The following THSD7B variants were observed in gnomAD, a reference collection of about 807,000 sequenced individuals.
The protein encoded by THSD7B is thrombospondin type 1 domain containing 7B.
In THSD7B, 138 loss-of-function variants were observed where a neutral mutation model predicts 213.6. The observed-to-expected ratio is 0.65, with a 90% CI of 0.56 to 0.74. THSD7B has a LOEUF of 0.74. THSD7B is among the 30% of genes least tolerant of loss of function. The probability of loss-of-function intolerance (pLI) is 0.00; values close to 1 mark genes in which losing one functional copy is unlikely to be tolerated. For missense variants in THSD7B, 1,931 were observed against 1,991.5 expected, an observed-to-expected ratio of 0.97 and a Z score of 0.58; for synonymous variants, 742 against 687.0, an observed-to-expected ratio of 1.08 and a Z score of -1.25.
chr2:137,370,933 C>T (rs896969701), intron 12 of THSD7B, among the ~76,000 whole-genome samples: 8 of 151,906 alleles, frequency 5.3e-5, no homozygotes, highest in Non-Finnish European at 1.2e-4. Flanking sequence ...GGTAAATAAA[C>T]TATGATAATC....
At chr2:137,629,376 C>T (rs149104503) in intron 20 of THSD7B, among the ~76,000 whole-genome samples, 2 of 152,326 alleles carry the variant, frequency 1.3e-5, no homozygotes, top group African/African-American at 4.8e-5. Flanking sequence ...GTTATTCCAA[C>T]ATACCACCTT....
At chr2:136,846,654 T>C (rs977659261) in intron 1 of THSD7B, among the ~76,000 whole-genome samples, 2 of 152,134 alleles carry the variant, frequency 1.3e-5, no homozygotes, top group Admixed American at 6.6e-5. Flanking sequence ...TAATTATACA[T>C]TGAAAATTGC....
chr2:137,205,792 T>C (rs556152008), intron 7 of THSD7B, among the ~76,000 whole-genome samples: 3 of 152,190 alleles, frequency 2.0e-5, no homozygotes, highest in South Asian at 2.1e-4. Context: ...TTAAATCCCA[T>C]AGAAGTGATT....
At chr2:137,343,518 A>G (rs1573972252) in intron 12 of THSD7B, among the ~76,000 whole-genome samples, 1 of 151,912 alleles carries the variant, frequency 6.6e-6, no homozygotes, top group East Asian at 1.9e-4. Context: ...TAGCCTGAAC[A>G]GGGTTTTTCA....
intron 12 of THSD7B, among the ~76,000 whole-genome samples, chr2:137,384,035 G>C (rs1476697039): frequency 6.6e-6 from 1 of 152,128 alleles, no homozygotes; most frequent in Non-Finnish European, 1.5e-5. Flanking sequence ...TATACTAAAG[G>C]ACCAAGGGTG....
intron 2 of THSD7B, among the ~76,000 whole-genome samples, chr2:136,957,116 T>C (rs1284768722): frequency 6.6e-6 from 1 of 152,202 alleles, no homozygotes; most frequent in African/African-American, 2.4e-5. Flanking sequence ...GCTCATCTCC[T>C]AGTCTCAGGG....
chr2:137,342,050 A>G (rs774869604), intron 12 of THSD7B, among the ~76,000 whole-genome samples: 2 of 151,592 alleles, frequency 1.3e-5, no homozygotes, highest in Non-Finnish European at 3.0e-5. Flanking sequence ...ATTTTAATAG[A>G]GATAAAATTA....
In THSD7B at chr2:137,656,943, A is replaced by G; in HGVS notation, c.4253A>G (p.Gln1418Arg). 1 of 1,614,006 alleles carries G rather than the reference A, an allele frequency of 6.2e-7. No individual in the cohort carries two copies. The highest frequency in any genetic ancestry group is 8.5e-7 in the Non-Finnish European group (1 of 1,179,874). ...SFENQDSCPQ[Q>R]VLETRPCTGG... is the part of the protein sequence containing the mutation. ...GAGAACCAAGACAGCTGCCCCCAAC[A>G]GGTTCTAGAAACACGCCCTTGTACA... The change falls in exon 23 of 28, where the codon CAG becomes CGG. Residue 1418 changes from glutamine to arginine, a missense_variant. Coordinates refer to ENST00000409968, the MANE Select transcript of THSD7B (RefSeq NM_001316349.2).
At chr2:136,959,696 T>C (rs1363188501) in intron 2 of THSD7B, among the ~76,000 whole-genome samples, 6 of 152,336 alleles carry the variant, frequency 3.9e-5, no homozygotes, top group Admixed American at 2.0e-4. Context: ...TGACTAGAGA[T>C]AGAATAGATT....
At chr2:137,070,356 C>G (rs1330719778) in intron 3 of THSD7B, among the ~76,000 whole-genome samples, 1 of 151,722 alleles carries the variant, frequency 6.6e-6, no homozygotes, top group Non-Finnish European at 1.5e-5. Flanking sequence ...AATTCCTACA[C>G]TTGGACATTT....
chr2:136,790,457 G>T (rs1328244038), intron 1 of THSD7B, among the ~76,000 whole-genome samples: 1 of 152,002 alleles, frequency 6.6e-6, no homozygotes, highest in Non-Finnish European at 1.5e-5. Context: ...CTTTATGAAT[G>T]TTTTATCAAT....
intron 10 of THSD7B, among the ~76,000 whole-genome samples, chr2:137,264,723 C>A (rs562205739): frequency 1.3e-5 from 2 of 151,774 alleles, no homozygotes; most frequent in Non-Finnish European, 2.9e-5. Context: ...TTGAGGTAAG[C>A]CCTATACTCT....
intron 2 of THSD7B, among the ~76,000 whole-genome samples, chr2:136,994,140 G>A (rs1021403153): frequency 6.6e-6 from 1 of 152,152 alleles, no homozygotes; most frequent in Non-Finnish European, 1.5e-5. Context: ...TTTGCTTGGT[G>A]GATAGGTGAA....
chr2:137,223,498 A>T (rs1681419586), intron 7 of THSD7B, among the ~76,000 whole-genome samples: 1 of 152,146 alleles, frequency 6.6e-6, no homozygotes, highest in Non-Finnish European at 1.5e-5. Context: ...ATCCAGTGCT[A>T]AGTTACTTTA....
intron 10 of THSD7B, among the ~76,000 whole-genome samples, chr2:137,254,403 G>A (rs1383404346): frequency 6.6e-6 from 1 of 152,198 alleles, no homozygotes; most frequent in Non-Finnish European, 1.5e-5. Context: ...TGTTGCAAGT[G>A]TGTTAATTTC....
chr2:137,044,597 T>C (rs569220312), intron 2 of THSD7B, among the ~76,000 whole-genome samples: 1 of 152,286 alleles, frequency 6.6e-6, no homozygotes, highest in East Asian at 1.9e-4. Context: ...TATGATAAAG[T>C]TTAATTTCTA....
At chr2:137,042,041 T>C (rs1369984385) in intron 2 of THSD7B, among the ~76,000 whole-genome samples, 2 of 152,252 alleles carry the variant, frequency 1.3e-5, no homozygotes, top group African/African-American at 4.8e-5. Flanking sequence ...CTATGGGATC[T>C]GATCTCATGT....
intron 12 of THSD7B, among the ~76,000 whole-genome samples, chr2:137,326,709 A>C (rs1329021278): frequency 6.6e-6 from 1 of 152,220 alleles, no homozygotes; most frequent in African/African-American, 2.4e-5. Flanking sequence ...TGGAGATATT[A>C]AAATAAATAG....
intron 2 of THSD7B, among the ~76,000 whole-genome samples, chr2:136,999,885 C>A (rs1007989731): frequency 2.4e-4 from 36 of 152,120 alleles, no homozygotes; most frequent in African/African-American, 8.4e-4. Flanking sequence ...TTCAATTTGG[C>A]ACATTTTGGA....
Sources: allele counts gnomAD v4.1 joint callset (sites outside exome capture counted in the v4.1 genomes callset), GRCh38; gene constraint gnomAD v4.1.1; transcripts MANE v1.5; gene names NCBI Gene and HGNC (gene_info 2026-07-23, HGNC 2026-07-21).